ARMH1: variants seen among roughly 807,000 people sequenced by gnomAD.
The protein encoded by ARMH1 is armadillo like helical domain containing 1.
ARMH1 carries 34 observed loss-of-function variants against 50.2 expected under a neutral mutation model. The observed-to-expected ratio is 0.68, with a 90% CI of 0.51 to 0.90. ARMH1 has a LOEUF of 0.90. Ranked by LOEUF, ARMH1 falls within the 40% of genes least tolerant of loss-of-function variation. The pLI is 0.00. For synonymous variants in ARMH1, 221 were observed against 224.2 expected, an observed-to-expected ratio of 0.99 and a Z score of 0.13; for missense variants, 538 against 553.9, an observed-to-expected ratio of 0.97 and a Z score of 0.29.
intron 6 of ARMH1, among the ~76,000 whole-genome samples, chr1:44,704,857 C>T (rs1212350026): frequency 3.1e-5 from 4 of 130,438 alleles, no homozygotes; most frequent in Admixed American, 8.2e-5. Context: ...TTTTTTGAGA[C>T]GGAATCTCGC....
At chr1:44,724,000 C>T in intron 6 of ARMH1, 122 bp from the exon 7 acceptor site, 1 of 1,299,440 alleles carries the variant, frequency 7.7e-7, no homozygotes, top group South Asian at 1.5e-5. Flanking sequence ...CCACGCCCTG[C>T]ACAGTGCTGA....
chr1:44,724,725 G>A lies in ARMH1; in HGVS notation c.1051-37G>A. On this transcript the variant is annotated intron_variant, in intron 9 of 11. Coordinates refer to ENST00000535358, the MANE Select transcript of ARMH1 (RefSeq NM_001145636.2). The surrounding 1 kb of genome is among the most constrained non-coding windows in gnomAD (Gnocchi z 6.4). ...GGGCGGCGGCACCCGCAGCCCCGTCGCCCCCGCAGTCACGCCGCCTCGCCC... is the reference window on the plus strand; with the variant it reads ...GGGCGGCGGCACCCGCAGCCCCGTCACCCCCGCAGTCACGCCGCCTCGCCC... 1 of 1,497,198 alleles carries A rather than the reference G, an allele frequency of 6.7e-7. No homozygotes were observed. The highest frequency in any genetic ancestry group is 8.9e-7 in the Non-Finnish European group (1 of 1,129,562). 92.7% of individuals were successfully genotyped at this position (1,497,198 alleles called of 1,614,324 possible). A position where few individuals can be genotyped will look rare whatever the true frequency, so the allele number is the denominator to read the frequency against.
In ARMH1 at chr1:44,680,141, T is replaced by A. The variant is rs190606469; in HGVS notation, c.-23+5268T>A. On this transcript the variant is annotated intron_variant, in intron 1 of 11. Transcript: ENST00000535358. ...AAGGTTGTTGTAATGTGGAAGTGAC[T>A]AGAGATGAAGTTAGATTGGGGCCAA... 9.2e-5 allele frequency among the ~76,000 whole-genome samples: 14 copies of A among 152,286 alleles called. No homozygotes were observed. In the East Asian group the frequency reaches 2.5e-3, roughly 27 times the overall value.
At chr1:44,687,628 C>A (rs953128576) in intron 1 of ARMH1, among the ~76,000 whole-genome samples, 4 of 152,138 alleles carry the variant, frequency 2.6e-5, no homozygotes, top group African/African-American at 9.7e-5. Flanking sequence ...GACTCCAGAT[C>A]TCATGTTCTT....
At position 44,725,124 on chromosome 1, in the gene ARMH1, T is replaced by TC. The variant is rs1283923647; in HGVS notation, c.1129-10dup. ...GGCACCCCAGCCGGGTCCCCCTTGC[T>TC]CCTGTCCTCAGAGCAACGCTGAGGA... On this transcript the variant is annotated splice_polypyrimidine_tract_variant and intron_variant, in intron 10 of 11. Transcript: ENST00000535358. 6.4e-7 allele frequency: 1 copy of TC among 1,551,760 alleles called. No individual in the cohort carries two copies. Among genetic ancestry groups the TC allele is most frequent in the Admixed American group, 2.0e-5 (1 of 51,000 alleles).
intron 6 of ARMH1, among the ~76,000 whole-genome samples, chr1:44,708,634 C>T (rs1273122370): frequency 6.6e-6 from 1 of 152,126 alleles, no homozygotes; most frequent in Non-Finnish European, 1.5e-5. Context: ...CTCAGGACAA[C>T]AGGAGGCGGA....
chr1:44,704,488 C>A (rs1003618891), intron 6 of ARMH1, among the ~76,000 whole-genome samples: 2 of 150,282 alleles, frequency 1.3e-5, no homozygotes, highest in African/African-American at 4.9e-5. Flanking sequence ...ACTGAATAGT[C>A]GTAGTATTTG....
chr1:44,706,510 A>C (rs1388564973), intron 6 of ARMH1, among the ~76,000 whole-genome samples: 2 of 152,166 alleles, frequency 1.3e-5, no homozygotes, highest in Non-Finnish European at 2.9e-5. Context: ...GCAGCCAGGC[A>C]CTGAGGTTCA....
intron 2 of ARMH1, among the ~76,000 whole-genome samples, chr1:44,694,391 C>A (rs970055212): frequency 6.6e-6 from 1 of 152,056 alleles, no homozygotes; most frequent in Non-Finnish European, 1.5e-5. Context: ...ACCACATAGT[C>A]CCAATAAGCC....
chr1:44,693,031 C>T (rs1296951796), intron 2 of ARMH1: 4 of 152,240 alleles, frequency 2.6e-5, no homozygotes, highest in African/African-American at 9.7e-5. Context: ...GTGTGAGCCA[C>T]CACACCCAGT....
chr1:44,714,278 G>GAA (rs879914972), intron 6 of ARMH1, among the ~76,000 whole-genome samples: 300 of 110,384 alleles, frequency 2.7e-3, no homozygotes, highest in Middle Eastern at 0.019. Flanking sequence ...TCAAAAAAAA[G>GAA]AAAAAAAAAA....
intron 6 of ARMH1, chr1:44,721,736 A>T (rs188282980): frequency 6.6e-6 from 1 of 152,014 alleles, no homozygotes; most frequent in Non-Finnish European, 1.5e-5. Flanking sequence ...CCAACCTCCC[A>T]AAGCATGAAA....
At chr1:44,718,646 A>G (rs1284322290) in intron 6 of ARMH1, among the ~76,000 whole-genome samples, 1 of 152,178 alleles carries the variant, frequency 6.6e-6, no homozygotes, top group East Asian at 1.9e-4. Context: ...GAGGCTGCAG[A>G]GGGTGGGCAG....
rs1242198942 is a variant in ARMH1, at chr1:44,681,570, G to T, written c.-23+6697G>T. ...AAATAGAGGGGTTAAGGATACAAGGGAGGCAGGAGTAATGAGTAGAATGAG... is the reference window on the plus strand; with the variant it reads ...AAATAGAGGGGTTAAGGATACAAGGTAGGCAGGAGTAATGAGTAGAATGAG... On this transcript the variant is annotated intron_variant, in intron 1 of 11. Coordinates refer to ENST00000535358, the MANE Select transcript of ARMH1 (RefSeq NM_001145636.2). The surrounding 1 kb of genome is among the most constrained non-coding windows in gnomAD (Gnocchi z 4.3). 1.3e-5 allele frequency among the ~76,000 whole-genome samples: 2 copies of T among 151,182 alleles called. No homozygotes were observed. The highest frequency in any genetic ancestry group is 2.9e-5 in the Non-Finnish European group (2 of 68,020).
intron 2 of ARMH1, among the ~76,000 whole-genome samples, 179 bp downstream of exon 2, chr1:44,690,082 G>A (rs1488835609): frequency 6.6e-6 from 1 of 152,144 alleles, no homozygotes; most frequent in Non-Finnish European, 1.5e-5. Flanking sequence ...GCCAGGCGTG[G>A]TGGCAGGTGC....
intron 6 of ARMH1, among the ~76,000 whole-genome samples, chr1:44,719,491 G>A (rs996909146): frequency 7.9e-5 from 12 of 152,186 alleles, no homozygotes; most frequent in Non-Finnish European, 1.3e-4. Context: ...TCCCTCCGCC[G>A]GTGTTTTCAG....
rs1219741924 is a variant in ARMH1 at position 44,698,242 on chromosome 1, T to C, written c.442+13T>C. On this transcript the variant is annotated intron_variant, in intron 4 of 11. Transcript: ENST00000535358. ...TGTGAAAGCTATGGTGGGTACTGTG[T>C]GTGACAAGATGTGTCTCCCTAGGGG... 6.5e-7 allele frequency: 1 copy of C among 1,544,668 alleles called. No homozygotes were observed. Among genetic ancestry groups the C allele is most frequent in the Admixed American group, 2.0e-5 (1 of 50,726 alleles).
chr1:44,698,579 G>A (rs1557532872), intron 4 of ARMH1, among the ~76,000 whole-genome samples: 2 of 152,128 alleles, frequency 1.3e-5, no homozygotes, highest in African/African-American at 2.4e-5. Context: ...GGGAGGCCAA[G>A]GCAGGAAGAT....
chr1:44,719,160 A>G (rs1469888855), intron 6 of ARMH1, among the ~76,000 whole-genome samples: 1 of 152,164 alleles, frequency 6.6e-6, no homozygotes, highest in African/African-American at 2.4e-5. Context: ...GGGGTAGCAC[A>G]GGATGTCTTT....
Sources: gnomAD v4.1 joint callset for allele counts (sites outside exome capture counted in the v4.1 genomes callset) on GRCh38, gnomAD v4.1.1 for gene constraint, Gnocchi (gnomAD v3.1) non-coding constraint, MANE v1.5 for transcripts, NCBI Gene and HGNC (gene_info 2026-07-23, HGNC 2026-07-21) for gene names.